The following DLGAP3 variants were observed in gnomAD, a reference collection of about 807,000 sequenced individuals.
The protein encoded by DLGAP3 is DLG associated protein 3, also known as disks large-associated protein 3.
In DLGAP3, 17 loss-of-function variants were observed where a neutral mutation model predicts 81.2. That is an observed-to-expected ratio of 0.21 (90% confidence interval 0.14 to 0.31). DLGAP3 has a LOEUF of 0.31. DLGAP3 is among the 10% of genes least tolerant of loss of function. The pLI is 1.00. For missense variants in DLGAP3, 1,124 were observed against 1,388.0 expected, an observed-to-expected ratio of 0.81 and a Z score of 3.02; for synonymous variants, 577 against 587.4, an observed-to-expected ratio of 0.98 and a Z score of 0.26.
In DLGAP3 at chr1:34,885,633, C is replaced by A. The variant is rs762072609; in HGVS notation, c.1759G>T (p.Gly587Cys). The A allele has an allele frequency of 6.7e-7, 1 of 1,502,582 alleles. No homozygotes were observed. Among genetic ancestry groups the A allele is most frequent in the Non-Finnish European group, 8.8e-7 (1 of 1,131,220 alleles). 93.1% of individuals were successfully genotyped at this position (1,502,582 alleles called of 1,614,324 possible). A position where few individuals can be genotyped will look rare whatever the true frequency, so the allele number is the denominator to read the frequency against. ...RRCSSADGLD[G>C]PAMGARTLEL... Reference sequence around the variant, plus strand: ...AGTGTGCGCGCACCCATGGCGGGGCCGTCCAGCCCGTCGGCGGAGCTGCAG... The same window carrying A: ...AGTGTGCGCGCACCCATGGCGGGGCAGTCCAGCCCGTCGGCGGAGCTGCAG... Residue 587 changes from glycine to cysteine, a missense_variant, in exon 7 of 12, where the codon GGC (glycine) becomes TGC (cysteine). Physicochemically the swap from Gly to Cys is radical, Grantham distance 159 (BLOSUM62 -3). This residue lies in a region of DLGAP3 where 379 missense variants were observed against 455.7 expected (regional missense o/e 0.83). Transcript: ENST00000373347.
intron 1 of DLGAP3, among the ~76,000 whole-genome samples, chr1:34,911,850 G>T (rs1557497470): frequency 6.6e-6 from 1 of 152,222 alleles, no homozygotes; most frequent in Non-Finnish European, 1.5e-5. Flanking sequence ...GAAAATGGGA[G>T]AAGGAGTCAG....
chr1:34,872,441 G>T (rs1638994741), intron 8 of DLGAP3, among the ~76,000 whole-genome samples: 1 of 152,158 alleles, frequency 6.6e-6, no homozygotes. Context: ...TACTGTTAAA[G>T]AGGGATATTT....
chr1:34,873,532 A>C lies in DLGAP3; in HGVS notation c.2001-4443T>G, dbSNP rs1430167599. 1.3e-5 allele frequency among the ~76,000 whole-genome samples: 2 copies of C among 152,208 alleles called. No homozygotes were observed. The highest frequency in any genetic ancestry group is 6.5e-5 in the Admixed American group (1 of 15,288). On this transcript the variant is annotated intron_variant, in intron 8 of 11. Coordinates refer to ENST00000373347, the MANE Select transcript of DLGAP3 (RefSeq NM_001080418.3). The surrounding 1 kb of genome is among the most constrained non-coding windows in gnomAD (Gnocchi z 4.2). ...AGATAATATCCATAAAGAACTCAGA[A>C]CAGCACCCTGCCTGCCCATTGTGTT...
At chr1:34,925,539 G>A (rs1639860625) in intron 1 of DLGAP3, 1 of 152,492 alleles carries the variant, frequency 6.6e-6, no homozygotes, top group Admixed American at 6.6e-5. Flanking sequence ...GAGGGGAGAG[G>A]GGAAGAAGCA....
chr1:34,869,547 T>C (rs1235233855), intron 8 of DLGAP3, among the ~76,000 whole-genome samples: 1 of 142,128 alleles, frequency 7.0e-6, no homozygotes, highest in Non-Finnish European at 1.5e-5. Flanking sequence ...TGGAGTGCAA[T>C]GGCGCGATCT....
intron 1 of DLGAP3, among the ~76,000 whole-genome samples, chr1:34,918,554 A>C (rs1462213892): frequency 1.3e-5 from 2 of 152,168 alleles, no homozygotes; most frequent in African/African-American, 4.8e-5. Flanking sequence ...AGGCCCGGGC[A>C]GGGGGGCTCA....
At chr1:34,911,004 AAAGG>A in intron 1 of DLGAP3, among the ~76,000 whole-genome samples, 1 of 139,258 alleles carries the variant, frequency 7.2e-6, no homozygotes, top group South Asian at 2.6e-4. Flanking sequence ...CAACTATTCC[AAAGG>A]ATAGATATTA....
At chr1:34,912,985 T>C (rs1307237055) in intron 1 of DLGAP3, among the ~76,000 whole-genome samples, 1 of 152,154 alleles carries the variant, frequency 6.6e-6, no homozygotes, top group Non-Finnish European at 1.5e-5. Context: ...ATCTCTGTAG[T>C]TGGGCTGGTG....
At chr1:34,913,106 T>C (rs1639662875) in intron 1 of DLGAP3, among the ~76,000 whole-genome samples, 3 of 152,004 alleles carry the variant, frequency 2.0e-5, no homozygotes, top group Admixed American at 2.0e-4. Flanking sequence ...CACCTCCTTT[T>C]CCCCTCACTG....
intron 8 of DLGAP3, 104 bp from the exon 9 acceptor site, chr1:34,869,193 A>G: frequency 1.2e-6 from 1 of 809,680 alleles, no homozygotes; most frequent in South Asian, 1.8e-5. Context: ...GGAACCTACA[A>G]AGTGATGGAC....
At chr1:34,899,785 G>C in intron 4 of DLGAP3, 44 bp from the exon 5 acceptor site, 1 of 1,571,078 alleles carries the variant, frequency 6.4e-7, no homozygotes, top group Non-Finnish European at 8.8e-7. Context: ...TGGACTGCTA[G>C]GAGGTGGGGG....
chr1:34,905,305 G>A lies in DLGAP3; in HGVS notation c.79C>T (p.Pro27Ser), dbSNP rs1639531525. 6.5e-7 allele frequency: 1 copy of A among 1,538,940 alleles called. No individual in the cohort carries two copies. Among genetic ancestry groups the A allele is most frequent in the African/African-American group, 1.4e-5 (1 of 73,022 alleles). ...FADQQHMDVGPAARAPYLLGS... is the reference protein window; with the variant it reads ...FADQQHMDVGSAARAPYLLGS... ...AGCAGGTATGGGGCCCTGGCAGCAGGGCCCACGTCCATATGCTGTTGGTCA... is the reference window on the plus strand; with the variant it reads ...AGCAGGTATGGGGCCCTGGCAGCAGAGCCCACGTCCATATGCTGTTGGTCA... Residue 27 changes from proline (P) to serine (S), a missense_variant, in exon 3 of 12, where the codon CCT (proline) becomes TCT (serine). Coordinates refer to ENST00000373347, the MANE Select transcript of DLGAP3 (RefSeq NM_001080418.3).
Position 34,904,943 on chromosome 1 carries a change from C to T in DLGAP3, c.441G>A (p.Gly147=), listed in dbSNP as rs773327510. The change falls in exon 3 of 12, where the codon GGG becomes GGA. Residue 147 remains glycine (G), a synonymous_variant. Transcript: ENST00000373347. This position sits in a 1 kb window ranked among gnomAD's most constrained non-coding sequence, Gnocchi z 8.1. ...TCCCTGGCGCTGGCCCGGGCCCTGC[C>T]CCTGCTGGCCCTCGCTGGTATGGTA... ...HTLPYQRGPA[G]AGPGPAPGTG... 1 of 1,612,884 alleles carries T rather than the reference C, an allele frequency of 6.2e-7. No homozygotes were observed. Among genetic ancestry groups the T allele is most frequent in the East Asian group, 2.2e-5 (1 of 44,864 alleles).
chr1:34,893,178 C>CAA (rs58802413), intron 5 of DLGAP3, among the ~76,000 whole-genome samples: 34 of 84,756 alleles, frequency 4.0e-4, no homozygotes, highest in African/African-American at 8.7e-4. Flanking sequence ...GACTCCGTCT[C>CAA]AAAAAAAAAA....
Position 34,886,290 on chromosome 1 carries a change from G to A in DLGAP3, c.1387-5C>T. Reference sequence around the variant, plus strand: ...CTGGTTCAACTCATCGCTGAGCTGGGGGGCAGGGGGTCGGGAGGACAGTTA... The same window carrying A: ...CTGGTTCAACTCATCGCTGAGCTGGAGGGCAGGGGGTCGGGAGGACAGTTA... On this transcript the variant is annotated splice_region_variant and splice_polypyrimidine_tract_variant and intron_variant, in intron 5 of 11. Coordinates refer to ENST00000373347, the MANE Select transcript of DLGAP3 (RefSeq NM_001080418.3). The A allele has an allele frequency of 6.3e-7, 1 of 1,577,822 alleles. No homozygotes were observed. Among genetic ancestry groups the A allele is most frequent in the Non-Finnish European group, 8.6e-7 (1 of 1,161,312 alleles).
At chr1:34,923,235 T>A (rs540750628) in intron 1 of DLGAP3, among the ~76,000 whole-genome samples, 1 of 152,148 alleles carries the variant, frequency 6.6e-6, no homozygotes, top group South Asian at 2.1e-4. Flanking sequence ...GAAGAAATAG[T>A]AAGGAAATTA....
At chr1:34,905,978 T>C (rs1212780850) in intron 2 of DLGAP3, among the ~76,000 whole-genome samples, 2 of 111,658 alleles carry the variant, frequency 1.8e-5, no homozygotes, top group Non-Finnish European at 3.8e-5. Context: ...ACCAATGCAC[T>C]CCAGCCCAGG....
intron 1 of DLGAP3, among the ~76,000 whole-genome samples, chr1:34,907,798 G>A (rs1023666862): frequency 6.6e-6 from 1 of 152,110 alleles, no homozygotes; most frequent in Non-Finnish European, 1.5e-5. Flanking sequence ...GAAGTGTATA[G>A]AGGTGATTTA....
intron 1 of DLGAP3, among the ~76,000 whole-genome samples, chr1:34,917,554 C>G (rs1408782529): frequency 6.6e-6 from 1 of 151,992 alleles, no homozygotes; most frequent in African/African-American, 2.4e-5. Flanking sequence ...CTATGTTGCC[C>G]CAGCTGGTCT....
Sources: allele counts gnomAD v4.1 joint callset (sites outside exome capture counted in the v4.1 genomes callset), GRCh38; gene constraint gnomAD v4.1.1; regional missense constraint gnomAD v4.1.1; non-coding constraint Gnocchi (gnomAD v3.1); transcripts MANE v1.5; gene names NCBI Gene and HGNC (gene_info 2026-07-23, HGNC 2026-07-21).